FHIT: variants seen among roughly 807,000 people sequenced by gnomAD.
FHIT encodes the protein bis(5'-adenosyl)-triphosphatase.
Under a neutral mutation model 17.9 loss-of-function variants are expected in FHIT, and 19 were observed. That is an observed-to-expected ratio of 1.06 (90% CI 0.74 to 1.56). The LOEUF is 1.56. Ranked by LOEUF, FHIT falls within the 40% of genes most tolerant of loss-of-function variation. FHIT has a pLI of 0.00. For synonymous variants in FHIT, 81 were observed against 69.7 expected, an observed-to-expected ratio of 1.16 and a Z score of -0.81; for missense variants, 248 against 189.2, an observed-to-expected ratio of 1.31 and a Z score of -1.82.
intron 4 of FHIT, among the ~76,000 whole-genome samples, chr3:60,749,153 C>G (rs1338814032): frequency 2.6e-5 from 4 of 152,120 alleles, no homozygotes; most frequent in Admixed American, 2.6e-4. Context: ...GTCTCTCTGT[C>G]TTCTTCAAGG....
chr3:60,280,099 G>T (rs532607568), intron 5 of FHIT, among the ~76,000 whole-genome samples: 1 of 149,860 alleles, frequency 6.7e-6, no homozygotes, highest in Non-Finnish European at 1.5e-5. Context: ...GTAACTTAGC[G>T]TATCAACTGG....
intron 5 of FHIT, among the ~76,000 whole-genome samples, chr3:60,081,689 C>T (rs1279040610): frequency 2.0e-5 from 3 of 151,954 alleles, no homozygotes; most frequent in Non-Finnish European, 4.4e-5. Context: ...ATTAACTATC[C>T]GATAATAAGG....
At chr3:60,085,748 C>G (rs888509684) in intron 5 of FHIT, among the ~76,000 whole-genome samples, 1 of 152,184 alleles carries the variant, frequency 6.6e-6, no homozygotes, top group Non-Finnish European at 1.5e-5. Context: ...TATCAAATGA[C>G]CTTGGACAAG....
At chr3:61,146,913 T>A (rs2037241158) in intron 2 of FHIT, among the ~76,000 whole-genome samples, 2 of 152,068 alleles carry the variant, frequency 1.3e-5, no homozygotes, top group Admixed American at 1.3e-4. Context: ...CTAATGAGCA[T>A]CATTAATATT....
At chr3:61,021,207 C>A (rs1009357820) in intron 3 of FHIT, among the ~76,000 whole-genome samples, 6 of 152,144 alleles carry the variant, frequency 3.9e-5, no homozygotes, top group Admixed American at 6.5e-5. Context: ...ACTCTCCACC[C>A]CAAATCAACA....
chr3:60,224,782 G>C (rs888661135), intron 5 of FHIT, among the ~76,000 whole-genome samples: 1 of 151,748 alleles, frequency 6.6e-6, no homozygotes, highest in African/African-American at 2.4e-5. Flanking sequence ...CTGGAGTGCA[G>C]TGTGTGGTCT....
intron 5 of FHIT, among the ~76,000 whole-genome samples, chr3:60,471,209 C>T (rs1221002476): frequency 6.6e-6 from 1 of 152,158 alleles, no homozygotes; most frequent in African/African-American, 2.4e-5. Context: ...CAAGCACTCC[C>T]TTCACCAGCT....
intron 3 of FHIT, among the ~76,000 whole-genome samples, chr3:60,930,152 T>C (rs1408260193): frequency 6.6e-6 from 1 of 151,708 alleles, no homozygotes; most frequent in Non-Finnish European, 1.5e-5. Flanking sequence ...TGGGGAAACC[T>C]GGCTAGCCAT....
At chr3:60,493,326 A>C (rs903397882) in intron 5 of FHIT, among the ~76,000 whole-genome samples, 2 of 152,228 alleles carry the variant, frequency 1.3e-5, no homozygotes, top group African/African-American at 4.8e-5. Flanking sequence ...AAGTAGAATC[A>C]GCCTATATCC....
chr3:61,250,869 G>C (rs746631892), intron 1 of FHIT, among the ~76,000 whole-genome samples: 1 of 152,110 alleles, frequency 6.6e-6, no homozygotes, highest in Non-Finnish European at 1.5e-5. Flanking sequence ...TCCTGTCCTG[G>C]GCACGTGTTC....
chr3:59,791,250 A>G lies in FHIT; in HGVS notation c.349-38929T>C, dbSNP rs368529165. Among the ~76,000 whole-genome samples, 516 of 152,258 alleles carry G rather than the reference A, an allele frequency of 3.4e-3. 3 individuals carry two copies. The highest frequency in any genetic ancestry group is 4.0e-3 in the Non-Finnish European group (269 of 68,020). On this transcript the variant is annotated intron_variant, in intron 8 of 9. Transcript: ENST00000492590. ...TCCTTCTGGCCATGGTTATTGGCTC[A>G]GCAATGATCCTGTAGCTTAACTTGG... is the stretch of plus-strand genomic sequence containing the variant.
intron 1 of FHIT, among the ~76,000 whole-genome samples, chr3:61,209,658 T>G (rs2039388439): frequency 6.6e-6 from 1 of 152,250 alleles, no homozygotes; most frequent in Admixed American, 6.5e-5. Context: ...GGTTTTCAGC[T>G]CCATCAAGTC....
intron 3 of FHIT, among the ~76,000 whole-genome samples, chr3:60,955,635 C>CATATATACAT (rs1553778580): frequency 8.3e-5 from 4 of 48,362 alleles, no homozygotes; most frequent in Admixed American, 2.5e-4. Context: ...TATATATATA[C>CATATATACAT]ACACACACAC....
intron 5 of FHIT, among the ~76,000 whole-genome samples, chr3:60,420,882 C>T (rs1264421445): frequency 6.6e-6 from 1 of 152,138 alleles, no homozygotes; most frequent in Non-Finnish European, 1.5e-5. Flanking sequence ...TTGTTTCTGG[C>T]TTGCCTTCCA....
At chr3:59,958,782 T>A (rs1707528129) in intron 7 of FHIT, among the ~76,000 whole-genome samples, 1 of 152,210 alleles carries the variant, frequency 6.6e-6, no homozygotes, top group African/African-American at 2.4e-5. Context: ...TCTCTCCTTT[T>A]TTCTCCTCTT....
chr3:60,006,495 T>C (rs1184637171), intron 7 of FHIT, among the ~76,000 whole-genome samples: 2 of 152,098 alleles, frequency 1.3e-5, no homozygotes, highest in Admixed American at 1.3e-4. Flanking sequence ...CCAAGGGCCA[T>C]GATGTGGCAG....
intron 8 of FHIT, among the ~76,000 whole-genome samples, chr3:59,826,653 C>A (rs1000252754): frequency 1.2e-4 from 19 of 152,226 alleles, no homozygotes; most frequent in Non-Finnish European, 4.4e-5. Context: ...TGCGCGAGTG[C>A]GCGCGAGTCT....
intron 5 of FHIT, among the ~76,000 whole-genome samples, chr3:60,155,378 C>A (rs541130211): frequency 6.6e-6 from 1 of 152,156 alleles, no homozygotes; most frequent in Non-Finnish European, 1.5e-5. Flanking sequence ...AAACAGGACA[C>A]TATTCCCACC....
chr3:60,414,833 C>A (rs186185941), intron 5 of FHIT, among the ~76,000 whole-genome samples: 1 of 152,132 alleles, frequency 6.6e-6, no homozygotes, highest in Non-Finnish European at 1.5e-5. Context: ...AAAGAAGATA[C>A]CCTTGACCTC....
Sources: gnomAD v4.1 joint callset for allele counts (sites outside exome capture counted in the v4.1 genomes callset) on GRCh38, gnomAD v4.1.1 for gene constraint, MANE v1.5 for transcripts, NCBI Gene and HGNC (gene_info 2026-07-23, HGNC 2026-07-21) for gene names.